Variants in KCND3 observed in about 807,000 individuals in gnomAD.
KCND3 encodes potassium voltage-gated channel subfamily D member 3.
In KCND3, 9 loss-of-function variants were observed where a neutral mutation model predicts 51.1. The ratio of observed to expected loss-of-function variants is 0.18; its 90% confidence interval spans 0.11 to 0.31. The LOEUF (loss-of-function observed/expected upper bound fraction) is 0.31, where lower values mean the gene tolerates loss of function less well. KCND3 is among the 10% of genes least tolerant of loss of function. KCND3 has a pLI of 1.00. For synonymous variants in KCND3, 349 were observed against 368.0 expected (o/e 0.95, Z 0.59); for missense variants, 526 against 903.8 (o/e 0.58, Z 5.36).
intron 2 of KCND3, among the ~76,000 whole-genome samples, chr1:111,895,818 C>T (rs1571814313): frequency 6.6e-6 from 1 of 152,228 alleles, no homozygotes; most frequent in African/African-American, 2.4e-5. Flanking sequence ...GGCCAGCCGG[C>T]TGGTGTGTCC....
intron 2 of KCND3, among the ~76,000 whole-genome samples, chr1:111,883,652 C>G (rs1669438323): frequency 6.6e-6 from 1 of 152,210 alleles, no homozygotes; most frequent in South Asian, 2.1e-4. Flanking sequence ...AGGAGGGATT[C>G]AAGGCCAGGT....
chr1:111,884,507 C>T lies in KCND3; in HGVS notation c.1106+97114G>A, dbSNP rs747448035. On this transcript the variant is annotated intron_variant, in intron 2 of 7. Transcript: ENST00000302127. ...GGAGAGGAGCCAGACCCGAAGTCATCGCCAGGGATGTGAGCAATTCTAGGA... is the reference window on the plus strand; with the variant it reads ...GGAGAGGAGCCAGACCCGAAGTCATTGCCAGGGATGTGAGCAATTCTAGGA... 2.7e-4 allele frequency among the ~76,000 whole-genome samples: 41 copies of T among 152,240 alleles called. No individual in the cohort carries two copies. In the Middle Eastern group the frequency reaches 0.01, roughly 38 times the overall value.
At chr1:111,968,277 A>G (rs1393703487) in intron 2 of KCND3, among the ~76,000 whole-genome samples, 2 of 152,190 alleles carry the variant, frequency 1.3e-5, no homozygotes, top group African/African-American at 4.8e-5. Flanking sequence ...CTCAGAAGGC[A>G]GGGGCACGAG....
intron 2 of KCND3, among the ~76,000 whole-genome samples, chr1:111,940,184 T>C (rs1672444807): frequency 6.6e-6 from 1 of 151,424 alleles, no homozygotes; most frequent in Non-Finnish European, 1.5e-5. Flanking sequence ...TGCCTATTCT[T>C]TCTGATGATA....
chr1:111,933,591 A>C (rs1389327933), intron 2 of KCND3, among the ~76,000 whole-genome samples: 1 of 152,132 alleles, frequency 6.6e-6, no homozygotes, highest in African/African-American at 2.4e-5. Context: ...AGGGGCTCTA[A>C]ATGGAGCTGG....
intron 2 of KCND3, among the ~76,000 whole-genome samples, chr1:111,922,563 C>T (rs1671520801): frequency 6.6e-6 from 1 of 152,188 alleles, no homozygotes; most frequent in Non-Finnish European, 1.5e-5. Context: ...TTTGCTTATC[C>T]TCTCTGTGCC....
intron 2 of KCND3, among the ~76,000 whole-genome samples, chr1:111,865,279 C>A (rs1202446632): frequency 6.6e-6 from 1 of 152,270 alleles, no homozygotes; most frequent in African/African-American, 2.4e-5. Context: ...AGAACGGCCA[C>A]AGGTCTTGCC....
At chr1:111,979,286 T>C (rs1450247380) in intron 2 of KCND3, among the ~76,000 whole-genome samples, 2 of 152,176 alleles carry the variant, frequency 1.3e-5, no homozygotes, top group Admixed American at 1.3e-4. Flanking sequence ...TGCCCCTTAA[T>C]CTACAGGGTG....
intron 2 of KCND3, among the ~76,000 whole-genome samples, chr1:111,937,594 G>T (rs1295616595): frequency 6.6e-6 from 1 of 152,226 alleles, no homozygotes; most frequent in African/African-American, 2.4e-5. Context: ...CTGGCTCATT[G>T]TAACAAGTCT....
rs558918406 is a variant in KCND3, at chr1:111,796,095, G to A, written c.1107-8989C>T. Among the ~76,000 whole-genome samples, 36 of 152,198 alleles carry A rather than the reference G, an allele frequency of 2.4e-4. No homozygotes were observed. The East Asian group carries it at 2.9e-3, about 12-fold the overall frequency. The stretch of plus-strand genomic sequence containing the variant: ...AGATGCTAGATATTAAACCTTTGTC[G>A]GATTGCATAGTTTGCAAACATTTTT... On this transcript the variant is annotated intron_variant, in intron 2 of 7. Coordinates refer to ENST00000302127, the MANE Select transcript of KCND3 (RefSeq NM_001378969.1).
intron 2 of KCND3, among the ~76,000 whole-genome samples, chr1:111,815,109 G>A (rs922507560): frequency 2.0e-5 from 3 of 152,146 alleles, no homozygotes; most frequent in Admixed American, 6.5e-5. Flanking sequence ...GAAACAAGGT[G>A]GTCTGTCTGA....
At chr1:111,917,874 A>G (rs1571848251) in intron 2 of KCND3, among the ~76,000 whole-genome samples, 1 of 152,310 alleles carries the variant, frequency 6.6e-6, no homozygotes, top group East Asian at 1.9e-4. Context: ...CTGCTTCTGC[A>G]GACGGAATTG....
chr1:111,899,003 G>T (rs1053688866), intron 2 of KCND3, among the ~76,000 whole-genome samples: 2 of 152,154 alleles, frequency 1.3e-5, no homozygotes, highest in African/African-American at 4.8e-5. Flanking sequence ...GAACAGGGTG[G>T]CATAATCCTA....
In KCND3 at chr1:111,778,442, G is replaced by A. The variant is rs1310226700; in HGVS notation, c.1512C>T (p.Thr504=). 1.2e-6 allele frequency: 2 copies of A among 1,613,310 alleles called. No individual in the cohort carries two copies. Among genetic ancestry groups the A allele is most frequent in the Non-Finnish European group, 1.7e-6 (2 of 1,179,362 alleles). Residue 504 remains threonine, a synonymous_variant, in exon 6 of 8, where the codon ACC becomes ACT. Transcript: ENST00000302127. ...DDPLLSVRTS[T]IKNHEFIDEQ... ...AATTTTTAAAAAGTTATACCTTGAT[G>A]GTGGAGGTTCGTACAGATAACAGGG...
chr1:111,839,774 G>T (rs903115692), intron 2 of KCND3, among the ~76,000 whole-genome samples: 1 of 152,266 alleles, frequency 6.6e-6, no homozygotes, highest in African/African-American at 2.4e-5. Flanking sequence ...TGAGGTTAAA[G>T]AACTTGCCCA....
intron 2 of KCND3, among the ~76,000 whole-genome samples, chr1:111,801,508 T>C (rs751906354): frequency 6.6e-6 from 1 of 152,040 alleles, no homozygotes; most frequent in Non-Finnish European, 1.5e-5. Context: ...AGCTGGGACG[T>C]GGTTGAGGTA....
intron 2 of KCND3, among the ~76,000 whole-genome samples, chr1:111,864,424 A>C (rs76727755): frequency 6.6e-6 from 1 of 152,194 alleles, no homozygotes; most frequent in Non-Finnish European, 1.5e-5. Context: ...AAATTCATTC[A>C]TTTCTCGCTC....
At chr1:111,850,729 A>G (rs1282072383) in intron 2 of KCND3, among the ~76,000 whole-genome samples, 1 of 152,228 alleles carries the variant, frequency 6.6e-6, no homozygotes. Flanking sequence ...AAGCCCAAGC[A>G]GTGGCCCTTG....
chr1:111,825,468 C>G (rs973113488), intron 2 of KCND3, among the ~76,000 whole-genome samples: 1 of 152,234 alleles, frequency 6.6e-6, no homozygotes, highest in Non-Finnish European at 1.5e-5. Context: ...ATCCCTGACA[C>G]TGGACCACAG....
Sources: gnomAD v4.1 joint callset for allele counts (sites outside exome capture counted in the v4.1 genomes callset) on GRCh38, gnomAD v4.1.1 for gene constraint, MANE v1.5 for transcripts, NCBI Gene and HGNC (gene_info 2026-07-23, HGNC 2026-07-21) for gene names.